Variants in ZNF395 observed in about 807,000 individuals in gnomAD.
ZNF395 encodes the protein HD gene regulatory region-binding protein 2.
ZNF395 carries 20 observed loss-of-function variants against 57.7 expected under a neutral mutation model. The ratio of observed to expected loss-of-function variants is 0.35; its 90% confidence interval spans 0.24 to 0.50. ZNF395 has a LOEUF of 0.50. Ranked by LOEUF, ZNF395 falls within the 20% of genes least tolerant of loss-of-function variation. The pLI is 0.97. For missense variants in ZNF395, 606 were observed against 671.2 expected (o/e 0.90, Z 1.07); for synonymous variants, 295 against 275.9 (o/e 1.07, Z -0.69).
At chr8:28,363,672 T>C (rs1801877203) in intron 1 of ZNF395, among the ~76,000 whole-genome samples, 1 of 152,172 alleles carries the variant, frequency 6.6e-6, no homozygotes, top group Non-Finnish European at 1.5e-5. Flanking sequence ...CCCCACGTTC[T>C]AGAGCAGGAA....
intron 1 of ZNF395, among the ~76,000 whole-genome samples, chr8:28,385,645 C>T (rs1802168073): frequency 6.8e-6 from 1 of 147,968 alleles, no homozygotes; most frequent in Admixed American, 6.7e-5. Flanking sequence ...CGCGGGAGGG[C>T]CGGGCGCGGG....
In ZNF395 at chr8:28,353,428, A is replaced by C. The variant is rs1453983772; in HGVS notation, c.584-20T>G. 1.3e-6 allele frequency: 2 copies of C among 1,489,096 alleles called. No homozygotes were observed. Among genetic ancestry groups the C allele is most frequent in the African/African-American group, 1.4e-5 (1 of 71,668 alleles). 92.2% of individuals were successfully genotyped at this position (1,489,096 alleles called of 1,614,324 possible). A position where few individuals can be genotyped will look rare whatever the true frequency, so the allele number is the denominator to read the frequency against. On this transcript the variant is annotated intron_variant, in intron 4 of 9. Coordinates refer to ENST00000344423, the MANE Select transcript of ZNF395 (RefSeq NM_018660.3). The stretch of plus-strand genomic sequence containing the variant: ...GGGAAGCTGGCCAGATGAAGAAAAG[A>C]TGAGAGGACGCTCACGGGCGTGTCC...
At position 28,359,752 on chromosome 8, in the gene ZNF395, T is replaced by C; in HGVS notation, c.313A>G (p.Thr105Ala). 1.2e-6 allele frequency: 2 copies of C among 1,614,088 alleles called. No homozygotes were observed. Among genetic ancestry groups the C allele is most frequent in the Non-Finnish European group, 1.7e-6 (2 of 1,180,020 alleles). ...EQHSWMEGQV[T>A]VWLLEQKLQV... ...AGCTTCTGCTCCAGCAGCCAGACGG[T>C]CACCTGACCCTCCATCCAGCTGTGC... The change falls in exon 3 of 10, where the codon ACC (threonine) becomes GCC (alanine). Residue 105 changes from threonine to alanine, a missense_variant. By Grantham distance (58) the Thr-to-Ala change is moderately conservative (BLOSUM62 0). This residue lies in a region of ZNF395 where 309 missense variants were observed against 374.7 expected (regional missense o/e 0.82). Transcript: ENST00000344423. The surrounding 1 kb of genome is among the most constrained non-coding windows in gnomAD (Gnocchi z 4.7).
At chr8:28,382,264 T>A (rs894293824) in intron 1 of ZNF395, among the ~76,000 whole-genome samples, 3 of 151,942 alleles carry the variant, frequency 2.0e-5, no homozygotes, top group Non-Finnish European at 4.4e-5. Context: ...TTTTTCTGTA[T>A]TTTTTCCCCC....
Position 28,350,054 on chromosome 8 carries a change from G to A in ZNF395, c.1326+10C>T, listed in dbSNP as rs747544227. 25 of 1,587,012 alleles carry A rather than the reference G, an allele frequency of 1.6e-5. No homozygotes were observed. In the Admixed American group the frequency reaches 2.0e-4, roughly 13 times the overall value. ...ATACGAGGCCCCAGCCGTGCTGCCC[G>A]CACACTCACCGGAGAGAGAGAGCAG... On this transcript the variant is annotated intron_variant, in intron 8 of 9. Coordinates refer to ENST00000344423, the MANE Select transcript of ZNF395 (RefSeq NM_018660.3).
Position 28,353,268 on chromosome 8 carries a change from A to G in ZNF395, c.724T>C (p.Leu242=). The change falls in exon 5 of 10, where the codon TTG becomes CTG. Residue 242 remains leucine (L), a synonymous_variant. Transcript: ENST00000344423. The part of the protein sequence containing the change: ...PPHPQASPKY[L]GDAFGSPQTD... ...TGGGGAGAACCAAAAGCATCCCCCA[A>G]ATACTTGGGGCTGGCCTGGGGGTGG... 1 of 1,524,020 alleles carries G rather than the reference A, an allele frequency of 6.6e-7. No homozygotes were observed. Among genetic ancestry groups the G allele is most frequent in the Non-Finnish European group, 8.9e-7 (1 of 1,123,260 alleles). The allele number at this position is 1,524,020 out of a possible 1,614,324, so 94.4% of individuals were successfully genotyped here.
intron 1 of ZNF395, among the ~76,000 whole-genome samples, chr8:28,378,009 C>T (rs183376499): frequency 4.6e-5 from 7 of 152,092 alleles, no homozygotes; most frequent in East Asian, 1.9e-4. Flanking sequence ...CCACCCGCCT[C>T]GGCCTCCCAA....
chr8:28,348,257 CTCTTT>C lies in ZNF395; in HGVS notation c.*457_*461del, dbSNP rs1801632294. On this transcript the variant is annotated 3_prime_UTR_variant, in exon 10 of 10. Coordinates refer to ENST00000344423, the MANE Select transcript of ZNF395 (RefSeq NM_018660.3). The stretch of plus-strand genomic sequence containing the variant: ...CTCTGAGTCACCCATCAGCCAGAAA[CTCTTT>C]TTTTTTTTTTTTTTTTTTTTTTTTA... 1 of 129,002 alleles carries C rather than the reference CTCTTT, an allele frequency of 7.8e-6. No homozygotes were observed. Among genetic ancestry groups the C allele is most frequent in the African/African-American group, 3.0e-5 (1 of 33,694 alleles). The allele number at this position is 129,002 out of a possible 1,614,324, so 8.0% of individuals were successfully genotyped here.
chr8:28,377,665 G>A (rs781295051), intron 1 of ZNF395, among the ~76,000 whole-genome samples: 5 of 151,476 alleles, frequency 3.3e-5, no homozygotes, highest in South Asian at 2.1e-4. Flanking sequence ...CATTCTCCAC[G>A]GCCAAGCAGA....
intron 7 of ZNF395, among the ~76,000 whole-genome samples, chr8:28,351,179 A>T (rs1230857220): frequency 6.6e-6 from 1 of 152,132 alleles, no homozygotes; most frequent in Non-Finnish European, 1.5e-5. Flanking sequence ...GTCACGTGGG[A>T]AGCCCAACTA....
chr8:28,366,528 T>G (rs1462736980), intron 1 of ZNF395, among the ~76,000 whole-genome samples: 1 of 150,734 alleles, frequency 6.6e-6, no homozygotes, highest in Admixed American at 6.6e-5. Context: ...CCAAAATGTT[T>G]GCAGTGAATG....
Position 28,360,865 on chromosome 8 carries a change from C to A in ZNF395, c.240+20G>T. The A allele has an allele frequency of 1.2e-6, 2 of 1,612,036 alleles. No homozygotes were observed. The highest frequency in any genetic ancestry group is 2.2e-5 in the South Asian group (2 of 90,832). ...AAGACTGGCAAGACGGGACACCTGT[C>A]CATGTTGGGATCAACCTACCTTCTG... On this transcript the variant is annotated intron_variant, in intron 2 of 9. Transcript: ENST00000344423.
At position 28,352,123 on chromosome 8, in the gene ZNF395, T is replaced by A. The variant is rs1446779933; in HGVS notation, c.921-316A>T. On this transcript the variant is annotated intron_variant, in intron 6 of 9. Coordinates refer to ENST00000344423, the MANE Select transcript of ZNF395 (RefSeq NM_018660.3). This position sits in a 1 kb window ranked among gnomAD's most constrained non-coding sequence, Gnocchi z 4.0. ...GGGCCCCACCTGCCTGCAGTCACGC[T>A]TTCTCCCCCAGGGCCATGAGTCAGC... Among the ~76,000 whole-genome samples the A allele has an allele frequency of 1.3e-5, 2 of 152,106 alleles. No homozygotes were observed. The highest frequency in any genetic ancestry group is 2.4e-5 in the African/African-American group (1 of 41,414).
intron 1 of ZNF395, among the ~76,000 whole-genome samples, chr8:28,374,172 T>C (rs1802010231): frequency 6.6e-6 from 1 of 152,230 alleles, no homozygotes; most frequent in South Asian, 2.1e-4. Flanking sequence ...GACCTTTGCA[T>C]AGGAGCCGGG....
At chr8:28,366,278 T>C (rs1801909525) in intron 1 of ZNF395, among the ~76,000 whole-genome samples, 1 of 152,214 alleles carries the variant, frequency 6.6e-6, no homozygotes, top group South Asian at 2.1e-4. Context: ...CTCCACCGGG[T>C]ATCACTGCAG....
rs1801721622 is a variant in ZNF395 at position 28,352,089 on chromosome 8, G to A, written c.921-282C>T. On this transcript the variant is annotated intron_variant, in intron 6 of 9. Transcript: ENST00000344423. The surrounding 1 kb of genome is among the most constrained non-coding windows in gnomAD (Gnocchi z 4.0). Reference sequence around the variant, plus strand: ...CATCCCACACTGAGCACGACCACGAGCCCTCTCTGGGCCCCACCTGCCTGC... The same window carrying A: ...CATCCCACACTGAGCACGACCACGAACCCTCTCTGGGCCCCACCTGCCTGC... Among the ~76,000 whole-genome samples the A allele has an allele frequency of 6.6e-6, 1 of 152,186 alleles. No homozygotes were observed. The highest frequency in any genetic ancestry group is 6.5e-5 in the Admixed American group (1 of 15,284).
intron 1 of ZNF395, among the ~76,000 whole-genome samples, chr8:28,372,039 T>G (rs531429564): frequency 6.6e-6 from 1 of 150,722 alleles, no homozygotes; most frequent in Non-Finnish European, 1.5e-5. Flanking sequence ...TGAGACCCTA[T>G]CTCAAAAAAA....
chr8:28,353,313 C>A lies in ZNF395; in HGVS notation c.679G>T (p.Val227Phe), dbSNP rs1253371101. Residue 227 changes from valine to phenylalanine, a missense_variant, in exon 5 of 10, where the codon GTC becomes TTC. This residue lies in a region of ZNF395 where 309 missense variants were observed against 374.7 expected (regional missense o/e 0.82). Transcript: ENST00000344423. ...GGGTGGGGGGGCGAGGGGGTGGAGA[C>A]ACCACTGCTCCCACTCCAGTGACCG... ...TSGHWSGSSG[V>F]STPSPPHPQA... The A allele has an allele frequency of 1.2e-6, 2 of 1,606,670 alleles. No individual in the cohort carries two copies. The highest frequency in any genetic ancestry group is 1.7e-6 in the Non-Finnish European group (2 of 1,176,852).
rs184038267 is a variant in ZNF395 at position 28,351,305 on chromosome 8, T to C, written c.1233+190A>G. On this transcript the variant is annotated intron_variant, in intron 7 of 9. Transcript: ENST00000344423. ...AGTAACCACTCATGACAGCTGCCAATGTAGATAACTCCAGGAATTCCCACA... is the reference window on the plus strand; with the variant it reads ...AGTAACCACTCATGACAGCTGCCAACGTAGATAACTCCAGGAATTCCCACA... 3.3e-5 allele frequency: 19 copies of C among 575,694 alleles called. No individual in the cohort carries two copies. The Admixed American group carries it at 3.8e-4, about 11-fold the overall frequency. 35.7% of individuals were successfully genotyped at this position (575,694 alleles called of 1,614,324 possible). A position where few individuals can be genotyped will look rare whatever the true frequency, so the allele number is the denominator to read the frequency against.
Sources: gnomAD v4.1 joint callset for allele counts (sites outside exome capture counted in the v4.1 genomes callset) on GRCh38, gnomAD v4.1.1 for gene constraint, gnomAD v4.1.1 regional missense constraint, Gnocchi (gnomAD v3.1) non-coding constraint, MANE v1.5 for transcripts, NCBI Gene and HGNC (gene_info 2026-07-23, HGNC 2026-07-21) for gene names.